The following COL5A2 variants were observed in gnomAD, a reference collection of about 807,000 sequenced individuals.
COL5A2 encodes collagen type V alpha 2 chain.
COL5A2 carries 23 observed loss-of-function variants against 208.2 expected under a neutral mutation model. The ratio of observed to expected loss-of-function variants is 0.11; its 90% confidence interval spans 0.08 to 0.16. The LOEUF is 0.16. COL5A2 is among the 10% of genes least tolerant of loss of function. The pLI is 1.00. For missense variants in COL5A2, 1,590 were observed against 1,956.4 expected (o/e 0.81, Z 3.53); for synonymous variants, 625 against 628.5 (o/e 0.99, Z 0.08).
the COL5A2 span, among the ~76,000 whole-genome samples, chr2:189,242,775 G>C: frequency 1.3e-5 from 2 of 152,194 alleles, no homozygotes; most frequent in African/African-American, 4.8e-5. Flanking sequence ...ATGGTGTGAG[G>C]AATAAACAGG....
chr2:189,183,083 T>C (rs1416953660), upstream of COL5A2, among the ~76,000 whole-genome samples: 1 of 152,188 alleles, frequency 6.6e-6, no homozygotes, highest in Non-Finnish European at 1.5e-5. Flanking sequence ...CTTCCATTCC[T>C]TCTTCTTTCA....
At chr2:189,416,112 G>A in the COL5A2 span, among the ~76,000 whole-genome samples, 1 of 152,196 alleles carries the variant, frequency 6.6e-6, no homozygotes, top group East Asian at 1.9e-4. Flanking sequence ...CACTGTTGGT[G>A]GGACTGTAAA....
the COL5A2 span, among the ~76,000 whole-genome samples, chr2:189,307,314 T>C: frequency 6.6e-6 from 1 of 152,146 alleles, no homozygotes; most frequent in Non-Finnish European, 1.5e-5. Context: ...TTAGCTTACT[T>C]GCTATCAATT....
chr2:189,051,494 AG>A lies in COL5A2; in HGVS notation c.2770-14del, dbSNP rs1351030093. 6 of 1,594,084 alleles carry A rather than the reference AG, an allele frequency of 3.8e-6. No individual in the cohort carries two copies. The highest frequency in any genetic ancestry group is 3.5e-4 in the Middle Eastern group (2 of 5,684). On this transcript the variant is annotated splice_polypyrimidine_tract_variant and intron_variant, in intron 41 of 53. Transcript: ENST00000374866. ...GTCCTGGAGCTCCCTAGTATAACAA[AG>A]AAAGAAACACCAAGGAGGGCAAAAT... is the stretch of plus-strand genomic sequence containing the variant.
intron 1 of COL5A2, among the ~76,000 whole-genome samples, chr2:189,214,266 A>G (rs1689251994): frequency 6.6e-6 from 1 of 152,096 alleles, no homozygotes; most frequent in African/African-American, 2.4e-5. Flanking sequence ...TGTCCAGGAA[A>G]GTAGAAATAC....
the COL5A2 span, among the ~76,000 whole-genome samples, chr2:189,300,220 T>TC: frequency 6.6e-6 from 1 of 152,322 alleles, no homozygotes; most frequent in South Asian, 2.1e-4. Context: ...TTATCTTTTT[T>TC]CCCTGCAAGA....
At chr2:189,294,713 T>C in the COL5A2 span, among the ~76,000 whole-genome samples, 2 of 152,252 alleles carry the variant, frequency 1.3e-5, no homozygotes, top group Non-Finnish European at 2.9e-5. Flanking sequence ...CAATTATGTT[T>C]TCATTTCTAC....
At chr2:189,247,583 CTTTT>C in the COL5A2 span, among the ~76,000 whole-genome samples, 1 of 140,130 alleles carries the variant, frequency 7.1e-6, no homozygotes, top group Non-Finnish European at 1.6e-5. Context: ...AAAAAAATTT[CTTTT>C]TTTTTTTTTT....
At chr2:189,428,757 T>G in the COL5A2 span, among the ~76,000 whole-genome samples, 51 of 152,354 alleles carry the variant, frequency 3.3e-4, no homozygotes, top group South Asian at 8.9e-3. Context: ...TATGCCAGAA[T>G]TATGCTTCCT....
chr2:189,130,865 C>A (rs1004179835), intron 1 of COL5A2, among the ~76,000 whole-genome samples: 7 of 151,972 alleles, frequency 4.6e-5, no homozygotes, highest in African/African-American at 1.7e-4. Flanking sequence ...TTATTGACTA[C>A]CTTCTATATC....
the COL5A2 span, among the ~76,000 whole-genome samples, chr2:189,262,889 A>G: frequency 1.3e-5 from 2 of 152,146 alleles, no homozygotes; most frequent in Admixed American, 6.6e-5. Context: ...ATGCATTCTG[A>G]TATTCAACAT....
the COL5A2 span, among the ~76,000 whole-genome samples, chr2:189,387,332 G>C: frequency 6.6e-6 from 1 of 152,042 alleles, no homozygotes; most frequent in East Asian, 1.9e-4. Context: ...GAGAGGAATG[G>C]GAGCAAGGGC....
chr2:189,131,311 A>C (rs557593013), intron 1 of COL5A2, among the ~76,000 whole-genome samples: 1 of 152,334 alleles, frequency 6.6e-6, no homozygotes, highest in South Asian at 2.1e-4. Flanking sequence ...AAAATGGAAC[A>C]ATAAGTTTCT....
chr2:189,069,944 G>C (rs1430749141), intron 18 of COL5A2, among the ~76,000 whole-genome samples: 1 of 152,060 alleles, frequency 6.6e-6, no homozygotes, highest in Non-Finnish European at 1.5e-5. Context: ...TTAAACCAAA[G>C]AAACAATACT....
chr2:189,037,463 G>A (rs189463203), intron 51 of COL5A2, among the ~76,000 whole-genome samples: 24 of 152,168 alleles, frequency 1.6e-4, no homozygotes, highest in African/African-American at 4.8e-4. Context: ...TGAAAGTGTC[G>A]GAATGTAATG....
intron 1 of COL5A2, among the ~76,000 whole-genome samples, chr2:189,131,957 A>G (rs1332835917): frequency 6.6e-6 from 1 of 152,236 alleles, no homozygotes. Context: ...AATATAATTG[A>G]TAAAATGTGA....
At position 189,068,217 on chromosome 2, in the gene COL5A2, A is replaced by G. The variant is rs1199559237; in HGVS notation, c.1302+9T>C. 5 of 1,613,452 alleles carry G rather than the reference A, an allele frequency of 3.1e-6. No individual in the cohort carries two copies. In the East Asian group the frequency reaches 1.1e-4, roughly 36 times the overall value. On this transcript the variant is annotated intron_variant, in intron 20 of 53. Coordinates refer to ENST00000374866, the MANE Select transcript of COL5A2 (RefSeq NM_000393.5). ...TTTGAGCTTCACATGCCATAAATGC[A>G]GTACTCACCGTTGGGCCTTTGGCAC...
chr2:189,395,009 A>T, the COL5A2 span, among the ~76,000 whole-genome samples: 5 of 152,312 alleles, frequency 3.3e-5, no homozygotes, highest in Non-Finnish European at 5.9e-5. Context: ...TACAATGCTC[A>T]TTTTTAAAGC....
At position 189,045,912 on chromosome 2, in the gene COL5A2, C is replaced by A; in HGVS notation, c.3202-5G>T. ...CCCAGGGTCTCCACGATCACCCTAA[C>A]AAGAATAACCATGATATTATTTTTT... On this transcript the variant is annotated splice_polypyrimidine_tract_variant and splice_region_variant and intron_variant, in intron 45 of 53. Coordinates refer to ENST00000374866, the MANE Select transcript of COL5A2 (RefSeq NM_000393.5). 2 of 1,609,432 alleles carry A rather than the reference C, an allele frequency of 1.2e-6. No homozygotes were observed. The highest frequency in any genetic ancestry group is 1.7e-6 in the Non-Finnish European group (2 of 1,175,716).
Sources: allele counts gnomAD v4.1 joint callset (sites outside exome capture counted in the v4.1 genomes callset), GRCh38; gene constraint gnomAD v4.1.1; transcripts MANE v1.5; gene names NCBI Gene and HGNC (gene_info 2026-07-23, HGNC 2026-07-21).